Variants in THOP1 observed in about 807,000 individuals in gnomAD.
The protein encoded by THOP1 is thimet oligopeptidase 1.
A neutral mutation model predicts 71.8 loss-of-function variants in THOP1; 49 were observed. The ratio of observed to expected loss-of-function variants is 0.68; its 90% CI spans 0.54 to 0.87. The LOEUF (loss-of-function observed/expected upper bound fraction) is 0.87, where lower values mean the gene tolerates loss of function less well. Among genes scored for constraint, THOP1 ranks in the 40% least tolerant of loss-of-function variants. The pLI, the probability that THOP1 is intolerant of heterozygous loss-of-function variation, is 0.00. For missense variants in THOP1, 843 were observed against 975.6 expected, an observed-to-expected ratio of 0.86 and a Z score of 1.81; for synonymous variants, 426 against 421.5, an observed-to-expected ratio of 1.01 and a Z score of -0.13.
intron 9 of THOP1, among the ~76,000 whole-genome samples, chr19:2,808,754 A>G (rs1916379685): frequency 2.0e-5 from 3 of 152,154 alleles, no homozygotes; most frequent in Admixed American, 2.0e-4. Flanking sequence ...TGTGGCCGCC[A>G]CCACCTCCCC....
Position 2,790,429 on chromosome 19 carries a change from G to A in THOP1, c.25G>A (p.Gly9Arg), listed in dbSNP as rs1915847600. MKPPAACA[G>R]DMADAASPCS... Reference sequence around the variant, plus strand: ...GTTTTGTTTCTGCGTAGCCTGTGCAGGAGACATGGCGGACGCAGCATCTCC... The same window carrying A: ...GTTTTGTTTCTGCGTAGCCTGTGCAAGAGACATGGCGGACGCAGCATCTCC... Residue 9 changes from glycine to arginine, a missense_variant, in exon 2 of 13, where the codon GGA (glycine) becomes AGA (arginine). Coordinates refer to ENST00000307741, the MANE Select transcript of THOP1 (RefSeq NM_003249.5). 1.9e-6 allele frequency: 3 copies of A among 1,557,290 alleles called. No homozygotes were observed. The highest frequency in any genetic ancestry group is 2.6e-6 in the Non-Finnish European group (3 of 1,151,142).
At chr19:2,799,594 C>T in intron 4 of THOP1, 95 bp from the exon 5 acceptor site, 1 of 988,702 alleles carries the variant, frequency 1.0e-6, no homozygotes, top group Non-Finnish European at 1.6e-6. Context: ...TGGGGAAATC[C>T]CTCAGCCCTC....
chr19:2,791,035 T>C (rs1418410840), intron 2 of THOP1, among the ~76,000 whole-genome samples: 3 of 152,242 alleles, frequency 2.0e-5, no homozygotes, highest in Non-Finnish European at 4.4e-5. Flanking sequence ...CCTCTTTCCC[T>C]GGCCCGGGAA....
chr19:2,813,596 AAGAG>A lies in THOP1; in HGVS notation c.*325_*328del, dbSNP rs1916543251. The A allele has an allele frequency of 1.7e-5, 5 of 299,214 alleles. No homozygotes were observed. The highest frequency in any genetic ancestry group is 2.5e-5 in the Non-Finnish European group (4 of 160,050). The allele number at this position is 299,214 out of a possible 1,614,324, so 18.5% of individuals were successfully genotyped here. On this transcript the variant is annotated 3_prime_UTR_variant, in exon 13 of 13. Coordinates refer to ENST00000307741, the MANE Select transcript of THOP1 (RefSeq NM_003249.5). ...TGAGGTCATTAAAAGGAAACAGAAA[AAGAG>A]AGAGGCTCCCTGGCCTGGTCACTGG...
intron 5 of THOP1, 89 bp downstream of exon 5, chr19:2,799,880 T>C: frequency 2.5e-6 from 3 of 1,193,722 alleles, no homozygotes; most frequent in South Asian, 2.5e-5. Flanking sequence ...CGCTTCCTCC[T>C]GTGGGCTTCT....
rs1022377947 is a variant in THOP1 at position 2,807,653 on chromosome 19, G to C, written c.1098G>C (p.Thr366=). 23 of 1,608,984 alleles carry C rather than the reference G, an allele frequency of 1.4e-5. No individual in the cohort carries two copies. In the African/African-American group the frequency reaches 2.9e-4, roughly 21 times the overall value. The stretch of plus-strand genomic sequence containing the variant: ...AGTACTTCCCCGTGCAGGTGGTCAC[G>C]CACGGGCTGCTGGGCATCTACCAGG... The part of the protein sequence containing the change: ...LKEYFPVQVV[T]HGLLGIYQEL... The change falls in exon 8 of 13, where the codon ACG becomes ACC. Residue 366 remains threonine (T), a synonymous_variant. Coordinates refer to ENST00000307741, the MANE Select transcript of THOP1 (RefSeq NM_003249.5).
At chr19:2,810,083 T>C in intron 9 of THOP1, 1 of 581,480 alleles carries the variant, frequency 1.7e-6, no homozygotes, top group Non-Finnish European at 3.0e-6. Flanking sequence ...CGGGGTCATG[T>C]GGCCGGCATC....
At chr19:2,799,318 C>T (rs1916088559) in intron 4 of THOP1, among the ~76,000 whole-genome samples, 1 of 152,186 alleles carries the variant, frequency 6.6e-6, no homozygotes, top group Non-Finnish European at 1.5e-5. Flanking sequence ...GAGCGAGTCC[C>T]TGTCTCAGAA....
rs2283595 is a variant in THOP1 at position 2,801,157 on chromosome 19, G to A, written c.589+1366G>A. Among the ~76,000 whole-genome samples the A allele has an allele frequency of 0.027, 4,138 of 152,190 alleles. 147 individuals carry two copies. The highest frequency in any genetic ancestry group is 0.15 in the South Asian group (733 of 4,820). On this transcript the variant is annotated intron_variant, in intron 5 of 12. Coordinates refer to ENST00000307741, the MANE Select transcript of THOP1 (RefSeq NM_003249.5). The surrounding 1 kb of genome is among the most constrained non-coding windows in gnomAD (Gnocchi z 5.1). ...GGAGGTCTGGAAGGTCCTTGGGCAC[G>A]CACAGTTATCTGTCCGTGCCAGCTC...
At chr19:2,791,298 C>T (rs1224158414) in intron 2 of THOP1, among the ~76,000 whole-genome samples, 3 of 152,214 alleles carry the variant, frequency 2.0e-5, no homozygotes, top group Admixed American at 6.5e-5. Context: ...AGAGAGTCTC[C>T]GCAGAGAGCT....
intron 11 of THOP1, 126 bp downstream of exon 11, chr19:2,810,894 A>G (rs1393046658): frequency 4.3e-6 from 6 of 1,404,242 alleles, no homozygotes; most frequent in Non-Finnish European, 5.7e-6. Context: ...GGAGCCACGG[A>G]GCGCGTCCCA....
chr19:2,807,021 C>T lies in THOP1; in HGVS notation c.855C>T (p.Ala285=), dbSNP rs1916309514. ...ACTATGTCCTGGAGATGAACATGGC[C>T]AAGACCAGCCAGACCGTGGCCACCT... is the stretch of plus-strand genomic sequence containing the variant. ...HADYVLEMNM[A]KTSQTVATFL... is the part of the protein sequence containing the mutation. The change falls in exon 7 of 13, where the codon GCC becomes GCT. Residue 285 remains alanine, a synonymous_variant. Coordinates refer to ENST00000307741, the MANE Select transcript of THOP1 (RefSeq NM_003249.5). 1.2e-6 allele frequency: 2 copies of T among 1,611,714 alleles called. No individual in the cohort carries two copies. The highest frequency in any genetic ancestry group is 1.3e-5 in the African/African-American group (1 of 74,852).
rs972943848 is a variant in THOP1 at position 2,804,904 on chromosome 19, G to A, written c.590-112G>A. 8 of 1,101,090 alleles carry A rather than the reference G, an allele frequency of 7.3e-6. No homozygotes were observed. Among genetic ancestry groups the A allele is most frequent in the South Asian group, 3.3e-5 (2 of 59,812 alleles). The allele number at this position is 1,101,090 out of a possible 1,614,324, so 68.2% of individuals were successfully genotyped here. A position where few individuals can be genotyped will look rare whatever the true frequency, so the allele number is the denominator to read the frequency against. On this transcript the variant is annotated intron_variant, in intron 5 of 12. Coordinates refer to ENST00000307741, the MANE Select transcript of THOP1 (RefSeq NM_003249.5). This position sits in a 1 kb window ranked among gnomAD's most constrained non-coding sequence, Gnocchi z 4.7. ...GCCAGGCTGCAGCTGCTCGCTGAGG[G>A]CCCCCTTGTAGCTTTCCAGGCAGAG...
At chr19:2,808,543 C>T (rs1347879435) in intron 9 of THOP1, 99 bp downstream of exon 9, 69 of 1,330,890 alleles carry the variant, frequency 5.2e-5, no homozygotes, top group Non-Finnish European at 6.1e-5. Context: ...CCGGCTCTCT[C>T]TGCACCCGTC....
rs753690244 is a variant in THOP1, at chr19:2,813,110, G to A, written c.1909-5G>A. ...CCCGGCCACAGTGCCCTGTCTCCTCGGCAGGTTGGCATGGATTACAGAAGC... is the reference window on the plus strand; with the variant it reads ...CCCGGCCACAGTGCCCTGTCTCCTCAGCAGGTTGGCATGGATTACAGAAGC... On this transcript the variant is annotated splice_polypyrimidine_tract_variant and splice_region_variant and intron_variant, in intron 12 of 12. Coordinates refer to ENST00000307741, the MANE Select transcript of THOP1 (RefSeq NM_003249.5). 15 of 1,606,706 alleles carry A rather than the reference G, an allele frequency of 9.3e-6. No individual in the cohort carries two copies. Among genetic ancestry groups the A allele is most frequent in the South Asian group, 7.8e-5 (7 of 90,236 alleles).
At chr19:2,813,049 C>G in intron 12 of THOP1, 66 bp from the exon 13 acceptor site, 2 of 1,520,070 alleles carry the variant, frequency 1.3e-6, no homozygotes, top group South Asian at 2.6e-5. Flanking sequence ...GGTGTGCAGA[C>G]TCCTGGGGTC....
rs771762569 is a variant in THOP1, at chr19:2,808,443, AG to A, written c.1455+1del. 1.2e-6 allele frequency: 2 copies of A among 1,601,250 alleles called. No individual in the cohort carries two copies. Among genetic ancestry groups the A allele is most frequent in the South Asian group, 1.1e-5 (1 of 90,338 alleles). On this transcript the variant is annotated frameshift_variant and splice_region_variant, in exon 9 of 13. Transcript: ENST00000307741. LOFTEE classifies it high-confidence loss of function. ...CACGTGATGCACCAGCTCTGCTCCCAGGTGGGTGCGGGCCCGGGCAGGGGCA... is the reference window on the plus strand; with the variant it reads ...CACGTGATGCACCAGCTCTGCTCCCAGTGGGTGCGGGCCCGGGCAGGGGCA... The part of the protein sequence containing the change: ...FGHVMHQLCS[Q>X]AEFAMFSGTH...
chr19:2,792,631 T>A (rs910540160), intron 2 of THOP1, among the ~76,000 whole-genome samples: 4 of 151,716 alleles, frequency 2.6e-5, no homozygotes, highest in African/African-American at 4.8e-5. Flanking sequence ...TTAAAAAAAA[T>A]TATTATTATT....
Position 2,806,461 on chromosome 19 carries a change from T to G in THOP1, c.751-456T>G, listed in dbSNP as rs551719117. 35 of 202,642 alleles carry G rather than the reference T, an allele frequency of 1.7e-4. 1 individual carries two copies. The highest frequency in any genetic ancestry group is 7.9e-4 in the African/African-American group (33 of 41,974). The allele number at this position is 202,642 out of a possible 1,614,324, so 12.6% of individuals were successfully genotyped here. A position where few individuals can be genotyped will look rare whatever the true frequency, so the allele number is the denominator to read the frequency against. ...GTCCTGAACAGGCCTCTGTTTCTCCTCGTAAACGCCTCACGTGGCTTTCAT... is the reference window on the plus strand; with the variant it reads ...GTCCTGAACAGGCCTCTGTTTCTCCGCGTAAACGCCTCACGTGGCTTTCAT... On this transcript the variant is annotated intron_variant, in intron 6 of 12. Transcript: ENST00000307741.
Sources: gnomAD v4.1 joint callset for allele counts (sites outside exome capture counted in the v4.1 genomes callset) on GRCh38, gnomAD v4.1.1 for gene constraint, Gnocchi (gnomAD v3.1) non-coding constraint, MANE v1.5 for transcripts, NCBI Gene and HGNC (gene_info 2026-07-23, HGNC 2026-07-21) for gene names.